ZNF804A: variants seen among roughly 807,000 people sequenced by gnomAD.
The protein encoded by ZNF804A is zinc finger protein 804A.
ZNF804A carries 2 observed loss-of-function variants against 16.5 expected under a neutral mutation model. The ratio of observed to expected loss-of-function variants is 0.12; its 90% CI spans 0.05 to 0.38. The LOEUF (loss-of-function observed/expected upper bound fraction) is 0.38. Ranked by LOEUF, ZNF804A falls within the 10% of genes least tolerant of loss-of-function variation. The pLI is 0.99. For synonymous variants in ZNF804A, 534 were observed against 489.6 expected, an observed-to-expected ratio of 1.09 and a Z score of -1.20; for missense variants, 1,473 against 1,390.7, an observed-to-expected ratio of 1.06 and a Z score of -0.94.
chr2:184,613,786 G>A (rs997545749), intron 1 of ZNF804A, among the ~76,000 whole-genome samples: 1 of 151,956 alleles, frequency 6.6e-6, no homozygotes, highest in Non-Finnish European at 1.5e-5. Flanking sequence ...AATAAGAGAG[G>A]ACACAAACAA....
chr2:184,802,931 G>A (rs1452288295), intron 1 of ZNF804A, among the ~76,000 whole-genome samples: 1 of 152,072 alleles, frequency 6.6e-6, no homozygotes, highest in African/African-American at 2.4e-5. Context: ...TAGATATCTA[G>A]CCTTAGGAAA....
intron 2 of ZNF804A, among the ~76,000 whole-genome samples, chr2:184,923,561 C>T (rs1685565158): frequency 6.6e-6 from 1 of 151,940 alleles, no homozygotes; most frequent in South Asian, 2.1e-4. Flanking sequence ...TGATTGATTG[C>T]TCTAGCTAGG....
intron 1 of ZNF804A, among the ~76,000 whole-genome samples, chr2:184,724,717 A>C (rs535352723): frequency 6.6e-6 from 1 of 151,860 alleles, no homozygotes; most frequent in African/African-American, 2.4e-5. Flanking sequence ...CTAACTACAA[A>C]GAAGGGCATG....
intron 1 of ZNF804A, among the ~76,000 whole-genome samples, chr2:184,863,057 G>T (rs190434487): frequency 6.3e-4 from 96 of 152,148 alleles, no homozygotes; most frequent in Non-Finnish European, 1.1e-3. Flanking sequence ...AAGATGAAAG[G>T]GTATGAGATG....
intron 1 of ZNF804A, among the ~76,000 whole-genome samples, chr2:184,798,440 AT>A (rs1694671933): frequency 6.6e-6 from 1 of 150,602 alleles, no homozygotes; most frequent in African/African-American, 2.4e-5. Context: ...ATATTTTCTT[AT>A]TTTTTTCTTT....
intron 2 of ZNF804A, among the ~76,000 whole-genome samples, chr2:184,924,840 G>C (rs1685584772): frequency 6.6e-6 from 1 of 151,534 alleles, no homozygotes. Context: ...TCCTTTATTT[G>C]TATAGTTTCC....
chr2:184,611,631 A>G (rs1380876215), intron 1 of ZNF804A, among the ~76,000 whole-genome samples: 1 of 152,136 alleles, frequency 6.6e-6, no homozygotes, highest in Non-Finnish European at 1.5e-5. Context: ...AGATTACTGA[A>G]GTTCTGAAGT....
chr2:184,620,746 A>G (rs1014255955), intron 1 of ZNF804A, among the ~76,000 whole-genome samples: 3 of 151,718 alleles, frequency 2.0e-5, no homozygotes, highest in Non-Finnish European at 4.4e-5. Context: ...AATAGATGTA[A>G]TAAGCATTCT....
intron 1 of ZNF804A, among the ~76,000 whole-genome samples, chr2:184,612,821 T>A (rs1691259764): frequency 6.6e-6 from 1 of 152,222 alleles, no homozygotes; most frequent in Admixed American, 6.5e-5. Context: ...TGGAGTTTAT[T>A]ACTTATTGCT....
rs1692838512 is a variant in ZNF804A at position 184,696,825 on chromosome 2, T to A, written c.111+97755T>A. 2.0e-5 allele frequency among the ~76,000 whole-genome samples: 3 copies of A among 152,168 alleles called. No individual in the cohort carries two copies. In the South Asian group the frequency reaches 6.2e-4, roughly 32 times the overall value. On this transcript the variant is annotated intron_variant, in intron 1 of 3. Transcript: ENST00000302277. The stretch of plus-strand genomic sequence containing the variant: ...CATAATTGTAATCAAATGGGTTATA[T>A]AAATTAAATATGCTGATTAAGCTAT...
intron 1 of ZNF804A, among the ~76,000 whole-genome samples, chr2:184,829,425 A>G (rs1695222969): frequency 6.6e-6 from 1 of 152,028 alleles, no homozygotes; most frequent in South Asian, 2.1e-4. Context: ...ATATAAGAGT[A>G]TAAGAATTGC....
At chr2:184,781,545 T>C (rs1357776366) in intron 1 of ZNF804A, among the ~76,000 whole-genome samples, 2 of 151,764 alleles carry the variant, frequency 1.3e-5, no homozygotes, top group East Asian at 3.9e-4. Flanking sequence ...AACTTTGAAA[T>C]ATTCTTTTTT....
At chr2:184,809,475 A>G (rs998724766) in intron 1 of ZNF804A, among the ~76,000 whole-genome samples, 2 of 151,854 alleles carry the variant, frequency 1.3e-5, no homozygotes, top group African/African-American at 4.8e-5. Context: ...TTGCATGTGT[A>G]TTTAGAAAAT....
intron 1 of ZNF804A, among the ~76,000 whole-genome samples, chr2:184,797,442 A>C (rs1694650926): frequency 6.6e-6 from 1 of 152,096 alleles, no homozygotes; most frequent in Non-Finnish European, 1.5e-5. Flanking sequence ...TATAAAGAAT[A>C]GCTACCCCTG....
chr2:184,796,184 T>C (rs1694627484), intron 1 of ZNF804A, among the ~76,000 whole-genome samples: 1 of 152,118 alleles, frequency 6.6e-6, no homozygotes, highest in African/African-American at 2.4e-5. Context: ...TTTCCTTTTT[T>C]GGTTATGTCC....
intron 1 of ZNF804A, among the ~76,000 whole-genome samples, chr2:184,810,787 G>A (rs1350577287): frequency 6.6e-6 from 1 of 152,038 alleles, no homozygotes; most frequent in Non-Finnish European, 1.5e-5. Flanking sequence ...ACCGCGCCTG[G>A]CCGAAACATT....
At position 184,937,098 on chromosome 2, in the gene ZNF804A, A is replaced by G. The variant is rs369536154; in HGVS notation, c.1702A>G (p.Ile568Val). ...TEKYNFTKSQ[I>V]KQDTLDEKYN... ...AAAGTATAATTTTACTAAAAGTCAA[A>G]TAAAACAGGACACTCTAGATGAAAA... The change falls in exon 4 of 4, where the codon ATA becomes GTA. Residue 568 changes from isoleucine to valine, a missense_variant. Transcript: ENST00000302277. The G allele has an allele frequency of 8.7e-6, 14 of 1,605,480 alleles. No homozygotes were observed. The African/African-American group carries it at 1.9e-4, about 22-fold the overall frequency.
At chr2:184,862,287 C>A (rs1305334783) in intron 1 of ZNF804A, among the ~76,000 whole-genome samples, 1 of 152,150 alleles carries the variant, frequency 6.6e-6, no homozygotes, top group Non-Finnish European at 1.5e-5. Flanking sequence ...ACGTGTCAGC[C>A]TAACTAGGAC....
intron 1 of ZNF804A, among the ~76,000 whole-genome samples, chr2:184,729,184 TCA>T (rs1693472010): frequency 6.6e-6 from 1 of 151,884 alleles, no homozygotes; most frequent in Non-Finnish European, 1.5e-5. Flanking sequence ...TTAAGTGCTC[TCA>T]ACACAAAATA....
Sources: gnomAD v4.1 joint callset for allele counts (sites outside exome capture counted in the v4.1 genomes callset) on GRCh38, gnomAD v4.1.1 for gene constraint, MANE v1.5 for transcripts, NCBI Gene and HGNC (gene_info 2026-07-23, HGNC 2026-07-21) for gene names.